TFEC: variants seen among roughly 807,000 people sequenced by gnomAD.
The protein encoded by TFEC is class E basic helix-loop-helix protein 34.
Under a neutral mutation model 41.6 loss-of-function variants are expected in TFEC, and 31 were observed. That is an observed-to-expected ratio of 0.74 (90% CI 0.56 to 1.01). The LOEUF is 1.01. Among genes scored for constraint, TFEC ranks in the 50% least tolerant of loss-of-function variants. TFEC has a pLI of 0.00. For missense variants in TFEC, 402 were observed against 404.1 expected, an observed-to-expected ratio of 0.99 and a Z score of 0.04; for synonymous variants, 143 against 140.6, an observed-to-expected ratio of 1.02 and a Z score of -0.12.
intron 1 of TFEC, among the ~76,000 whole-genome samples, chr7:116,008,172 T>C (rs1794871382): frequency 6.6e-6 from 1 of 152,192 alleles, no homozygotes; most frequent in South Asian, 2.1e-4. Flanking sequence ...ATTATCTCAA[T>C]AACAAGATTT....
intron 3 of TFEC, among the ~76,000 whole-genome samples, chr7:116,102,048 G>A (rs1405062094): frequency 6.6e-6 from 1 of 152,088 alleles, no homozygotes; most frequent in African/African-American, 2.4e-5. Context: ...ATGTTCCTCT[G>A]TTTTCAAAGT....
chr7:116,007,340 G>A (rs919900797), intron 1 of TFEC, among the ~76,000 whole-genome samples: 1 of 152,064 alleles, frequency 6.6e-6, no homozygotes, highest in South Asian at 2.1e-4. Context: ...GTCTCAGAGG[G>A]TTCAACTCTA....
chr7:115,971,985 T>C (rs1185328520), intron 3 of TFEC, among the ~76,000 whole-genome samples: 1 of 152,072 alleles, frequency 6.6e-6, no homozygotes, highest in East Asian at 1.9e-4. Context: ...GCTAATATAC[T>C]TACTCAAAGC....
intron 3 of TFEC, among the ~76,000 whole-genome samples, chr7:116,082,280 T>G (rs1294764655): frequency 6.6e-6 from 1 of 151,990 alleles, no homozygotes; most frequent in Non-Finnish European, 1.5e-5. Context: ...AGTGCCTGCC[T>G]CACTCCCAAA....
upstream of TFEC, among the ~76,000 whole-genome samples, chr7:116,035,402 T>C (rs1315393052): frequency 6.6e-6 from 1 of 152,106 alleles, no homozygotes; most frequent in Non-Finnish European, 1.5e-5. Context: ...AGGGCTCTTG[T>C]GTGTATGTGT....
intron 3 of TFEC, among the ~76,000 whole-genome samples, chr7:115,964,640 A>C (rs1371686504): frequency 6.6e-6 from 1 of 151,604 alleles, no homozygotes; most frequent in African/African-American, 2.4e-5. Flanking sequence ...TTATTATAAA[A>C]CTCAGTTTAT....
chr7:115,981,425 C>A (rs115303897), intron 2 of TFEC, among the ~76,000 whole-genome samples: 2,687 of 152,140 alleles, frequency 0.018, 82 homozygotes, highest in African/African-American at 0.061. Context: ...TAAAGTATCA[C>A]TGTACTAATA....
chr7:116,135,259 T>A (rs1798412336), intron 1 of TFEC, among the ~76,000 whole-genome samples: 1 of 152,144 alleles, frequency 6.6e-6, no homozygotes, highest in African/African-American at 2.4e-5. Context: ...CACTGTACTT[T>A]TGAAATAAGG....
At chr7:116,045,749 G>T (rs1297950884) in intron 3 of TFEC, among the ~76,000 whole-genome samples, 1 of 152,208 alleles carries the variant, frequency 6.6e-6, no homozygotes, top group Non-Finnish European at 1.5e-5. Flanking sequence ...CAAGACCCCA[G>T]AATGGTAGAT....
chr7:115,979,468 A>T (rs1200459000), intron 2 of TFEC, among the ~76,000 whole-genome samples: 1 of 152,006 alleles, frequency 6.6e-6, no homozygotes, highest in East Asian at 1.9e-4. Context: ...CTTGCCCTCA[A>T]CCTGAAGCTC....
In TFEC at chr7:115,945,166, T is replaced by A. The variant is rs1482944636; in HGVS notation, c.516-3126A>T. 2.6e-5 allele frequency among the ~76,000 whole-genome samples: 4 copies of A among 151,016 alleles called. 1 individual carries two copies. Among genetic ancestry groups the A allele is most frequent in the Non-Finnish European group, 5.9e-5 (4 of 67,848 alleles). On this transcript the variant is annotated intron_variant, in intron 6 of 7. Transcript: ENST00000265440. ...TTTTTTTTTTTTCAGATCCACTGTT[T>A]GTTAATTTCCTCATTGTCATAACAT...
chr7:116,037,551 T>G (rs1046649934), intron 3 of TFEC, among the ~76,000 whole-genome samples: 5 of 152,020 alleles, frequency 3.3e-5, no homozygotes, highest in Admixed American at 6.6e-5. Context: ...CAGATTTTAT[T>G]ACCAGTTTGA....
At chr7:116,010,993 C>G (rs1400492087) in intron 1 of TFEC, among the ~76,000 whole-genome samples, 3 of 152,074 alleles carry the variant, frequency 2.0e-5, no homozygotes, top group Non-Finnish European at 2.9e-5. Context: ...ATCCAAAAAG[C>G]TCTGAAAACC....
At chr7:116,058,038 T>A (rs1362162861) in intron 3 of TFEC, among the ~76,000 whole-genome samples, 1 of 151,820 alleles carries the variant, frequency 6.6e-6, no homozygotes, top group Admixed American at 6.6e-5. Context: ...CTCAAATTAA[T>A]AATCACATTA....
At chr7:116,123,994 C>T (rs1228061967) in intron 1 of TFEC, among the ~76,000 whole-genome samples, 1 of 151,970 alleles carries the variant, frequency 6.6e-6, no homozygotes, top group African/African-American at 2.4e-5. Context: ...AATTAAAGGA[C>T]TTTTAGTTGT....
At chr7:115,974,408 A>T (rs568358972) in intron 2 of TFEC, 152 bp from the exon 3 acceptor site, 27 of 31,712 alleles carry the variant, frequency 8.5e-4, no homozygotes, top group Admixed American at 4.6e-3. Flanking sequence ...CCTCAATATT[A>T]TATATATATA....
chr7:115,942,187 A>G, intron 6 of TFEC, 147 bp from the exon 7 acceptor site: 1 of 780,482 alleles, frequency 1.3e-6, no homozygotes, highest in East Asian at 3.1e-5. Flanking sequence ...TAGAAATTTT[A>G]ATAGAATAGT....
At chr7:116,137,591 T>C (rs1025881721) in intron 1 of TFEC, among the ~76,000 whole-genome samples, 11 of 152,266 alleles carry the variant, frequency 7.2e-5, no homozygotes, top group African/African-American at 2.2e-4. Context: ...TTAGAAATGA[T>C]ATATGTGAAG....
At chr7:115,973,979 G>A (rs1448371839) in intron 3 of TFEC, among the ~76,000 whole-genome samples, 191 bp downstream of exon 3, 1 of 151,930 alleles carries the variant, frequency 6.6e-6, no homozygotes, top group African/African-American at 2.4e-5. Flanking sequence ...AGAGAGATTA[G>A]TACAAGCACT....
Sources: allele counts gnomAD v4.1 joint callset (sites outside exome capture counted in the v4.1 genomes callset), GRCh38; gene constraint gnomAD v4.1.1; transcripts MANE v1.5; gene names NCBI Gene and HGNC (gene_info 2026-07-23, HGNC 2026-07-21).